Variants in BMERB1 observed in about 807,000 individuals in gnomAD.
BMERB1 encodes bMERB domain containing 1, also known as bMERB domain-containing protein 1.
BMERB1 carries 12 observed loss-of-function variants against 23.6 expected under a neutral mutation model. That is an observed-to-expected ratio of 0.51 (90% CI 0.33 to 0.82). BMERB1 has a LOEUF of 0.82. BMERB1 is among the 40% of genes least tolerant of loss of function. The pLI, the probability that BMERB1 is intolerant of heterozygous loss-of-function variation, is 0.03. For synonymous variants in BMERB1, 122 were observed against 96.6 expected, an observed-to-expected ratio of 1.26 and a Z score of -1.54; for missense variants, 247 against 255.4, an observed-to-expected ratio of 0.97 and a Z score of 0.22.
chr16:15,506,615 CCT>C (rs1567473326), intron 1 of BMERB1, among the ~76,000 whole-genome samples: 1 of 152,228 alleles, frequency 6.6e-6, no homozygotes, highest in South Asian at 2.1e-4. Flanking sequence ...ATGCCAGACT[CCT>C]CAACCATCAC....
At chr16:15,511,450 ACTCT>A (rs1395824205) in intron 1 of BMERB1, among the ~76,000 whole-genome samples, 2 of 151,846 alleles carry the variant, frequency 1.3e-5, no homozygotes, top group East Asian at 3.9e-4. Flanking sequence ...ACCCACCTCC[ACTCT>A]CTTCCTCCCA....
At chr16:15,461,956 A>G (rs112507315) in intron 1 of BMERB1, among the ~76,000 whole-genome samples, 3,842 of 151,954 alleles carry the variant, frequency 0.025, 182 homozygotes, top group African/African-American at 0.089. Context: ...AACAACAACA[A>G]CAGCAGCAGC....
chr16:15,463,401 C>T (rs944531079), intron 1 of BMERB1, among the ~76,000 whole-genome samples: 1 of 152,086 alleles, frequency 6.6e-6, no homozygotes. Context: ...GCCTGAAATA[C>T]GCTTGAAGGC....
chr16:15,440,375 A>G (rs2050929834), intron 1 of BMERB1, among the ~76,000 whole-genome samples: 1 of 151,894 alleles, frequency 6.6e-6, no homozygotes, highest in Admixed American at 6.6e-5. Context: ...GGAGATGACT[A>G]CTATTTAAAA....
intron 1 of BMERB1, among the ~76,000 whole-genome samples, chr16:15,499,745 C>A (rs951418263): frequency 2.0e-5 from 3 of 152,148 alleles, no homozygotes; most frequent in African/African-American, 7.2e-5. Flanking sequence ...TCAGGTTGTT[C>A]AGAGCATTTG....
intron 2 of BMERB1, among the ~76,000 whole-genome samples, chr16:15,552,688 TCTCGCCACATGG>T (rs1162772244): frequency 5.8e-4 from 88 of 152,336 alleles, no homozygotes; most frequent in African/African-American, 2.0e-3. Context: ...AGCCCTGCTG[TCTCGCCACATGG>T]CCTTGGTAGC....
chr16:15,506,644 A>G (rs1305631973), intron 1 of BMERB1, among the ~76,000 whole-genome samples: 1 of 151,464 alleles, frequency 6.6e-6, no homozygotes, highest in Non-Finnish European at 1.5e-5. Flanking sequence ...CTAACCAACC[A>G]CCTGCATCCT....
chr16:15,520,829 A>G (rs1056421770), intron 2 of BMERB1, among the ~76,000 whole-genome samples: 3 of 152,146 alleles, frequency 2.0e-5, no homozygotes, highest in African/African-American at 7.2e-5. Context: ...GACCTTTCTG[A>G]TCTTAAAGCT....
chr16:15,580,792 A>T (rs372319518), intron 3 of BMERB1, among the ~76,000 whole-genome samples: 238 of 148,490 alleles, frequency 1.6e-3, no homozygotes, highest in Non-Finnish European at 2.8e-3. Context: ...TGATCCGCCC[A>T]CCTTGGCCTC....
intron 2 of BMERB1, among the ~76,000 whole-genome samples, chr16:15,540,161 A>C (rs1260617004): frequency 6.6e-6 from 1 of 152,034 alleles, no homozygotes; most frequent in Admixed American, 6.6e-5. Context: ...AATATATATA[A>C]TTTTCATGTC....
chr16:15,562,260 G>A (rs1390918341), intron 2 of BMERB1, among the ~76,000 whole-genome samples: 7 of 145,868 alleles, frequency 4.8e-5, no homozygotes, highest in East Asian at 4.0e-4. Flanking sequence ...CCAAGATCGC[G>A]CCATTGCACT....
At chr16:15,553,803 C>T (rs967369011) in intron 2 of BMERB1, among the ~76,000 whole-genome samples, 2 of 152,132 alleles carry the variant, frequency 1.3e-5, no homozygotes, top group African/African-American at 4.8e-5. Flanking sequence ...ACGCATCTTC[C>T]AGGAATTCCT....
intron 3 of BMERB1, among the ~76,000 whole-genome samples, chr16:15,580,095 A>G (rs75656382): frequency 7.1e-6 from 1 of 140,950 alleles, no homozygotes; most frequent in Non-Finnish European, 1.5e-5. Context: ...TGCCCTCTCA[A>G]TTTTTTTTTT....
At chr16:15,556,698 G>C (rs983557176) in intron 2 of BMERB1, among the ~76,000 whole-genome samples, 1 of 152,110 alleles carries the variant, frequency 6.6e-6, no homozygotes, top group Non-Finnish European at 1.5e-5. Context: ...TGATTCTCCT[G>C]CCTCAGCCTC....
chr16:15,476,035 T>C (rs7500407), intron 1 of BMERB1, among the ~76,000 whole-genome samples: 135,685 of 152,138 alleles, frequency 0.89, 62,587 homozygotes, highest in East Asian at 1. Context: ...TCTGATGTGG[T>C]CTAAAGCCCC....
At chr16:15,515,835 C>T (rs536353268) in intron 2 of BMERB1, among the ~76,000 whole-genome samples, 1 of 152,206 alleles carries the variant, frequency 6.6e-6, no homozygotes, top group East Asian at 1.9e-4. Flanking sequence ...TCCCTCATTT[C>T]TAAAATGGGG....
At chr16:15,450,269 A>G (rs1567450637) in intron 1 of BMERB1, among the ~76,000 whole-genome samples, 1 of 152,158 alleles carries the variant, frequency 6.6e-6, no homozygotes. Context: ...ATGTCATAAA[A>G]TATTATTATT....
chr16:15,558,273 A>G (rs927405933), intron 2 of BMERB1, among the ~76,000 whole-genome samples: 3 of 152,132 alleles, frequency 2.0e-5, no homozygotes, highest in African/African-American at 7.2e-5. Flanking sequence ...GCAAGGAGGC[A>G]GGAGAAAAGG....
intron 5 of BMERB1, chr16:15,584,134 G>T: frequency 1.4e-6 from 1 of 692,174 alleles, no homozygotes; most frequent in Non-Finnish European, 2.6e-6. Flanking sequence ...TGTATTTGGA[G>T]AGTCCCAGTG....
Sources: allele counts gnomAD v4.1 joint callset (sites outside exome capture counted in the v4.1 genomes callset), GRCh38; gene constraint gnomAD v4.1.1; transcripts MANE v1.5; gene names NCBI Gene and HGNC (gene_info 2026-07-23, HGNC 2026-07-21).